The following FOXO3B variants were observed in gnomAD, a reference collection of about 807,000 sequenced individuals.
FOXO3B encodes forkhead box protein O3B.
FOXO3B carries 15 observed loss-of-function variants against 21.9 expected under a neutral mutation model. That is an observed-to-expected ratio of 0.68 (90% CI 0.46 to 1.05). The LOEUF (loss-of-function observed/expected upper bound fraction) is 1.05, where lower values mean the gene tolerates loss of function less well. Ranked by LOEUF, FOXO3B falls within the 50% of genes least tolerant of loss-of-function variation. The probability of loss-of-function intolerance (pLI) is 0.00; values close to 1 mark genes in which losing one functional copy is unlikely to be tolerated. For missense variants in FOXO3B, 293 were observed against 435.5 expected, an observed-to-expected ratio of 0.67 and a Z score of 2.91; for synonymous variants, 135 against 213.6, an observed-to-expected ratio of 0.63 and a Z score of 3.21.
intron 3 of FOXO3B, among the ~76,000 whole-genome samples, chr17:18,673,818 T>C (rs556231098): frequency 1.1e-4 from 17 of 151,550 alleles, no homozygotes; most frequent in African/African-American, 4.2e-4. Flanking sequence ...ATCACAAAGA[T>C]TATCACAGTA....
At chr17:18,675,282 A>C (rs1210809540) in intron 3 of FOXO3B, among the ~76,000 whole-genome samples, 2 of 152,166 alleles carry the variant, frequency 1.3e-5, no homozygotes, top group Non-Finnish European at 2.9e-5. Flanking sequence ...AAAGATTATA[A>C]AAAATTAAAC....
chr17:18,674,422 G>A lies in FOXO3B; in HGVS notation c.127-1367C>T, dbSNP rs370124160. 2.0e-3 allele frequency among the ~76,000 whole-genome samples: 290 copies of A among 146,628 alleles called. 5 individuals carry two copies. Among genetic ancestry groups the A allele is most frequent in the African/African-American group, 6.5e-3 (260 of 40,090 alleles). On this transcript the variant is annotated intron_variant, in intron 3 of 3. Transcript: ENST00000395675. ...GGGCGGATCACGAGGTCAGGAGATC[G>A]AGATCATCCTGGCTAACACGGTGAA...
intron 3 of FOXO3B, among the ~76,000 whole-genome samples, chr17:18,679,888 G>A (rs1459151501): frequency 1.6e-4 from 24 of 151,170 alleles, no homozygotes; most frequent in East Asian, 9.7e-4. Context: ...TGCCCAGGCC[G>A]GAATGCAGTG....
chr17:18,668,362 G>A lies in FOXO3B; in HGVS notation c.*3947C>T, dbSNP rs1198592944. On this transcript the variant is annotated 3_prime_UTR_variant, in exon 4 of 4. Coordinates refer to ENST00000395675, the MANE Select transcript of FOXO3B (RefSeq NM_001368135.1). The stretch of plus-strand genomic sequence containing the variant: ...CTCCTGATCTGTTTTATGCTGCCTT[G>A]CCCTTGTACCTTCTCTGTCCCTTCC... The A allele has an allele frequency of 6.6e-6, 1 of 152,570 alleles. No homozygotes were observed. Among genetic ancestry groups the A allele is most frequent in the African/African-American group, 2.4e-5 (1 of 41,456 alleles). 9.5% of individuals were successfully genotyped at this position (152,570 alleles called of 1,614,324 possible). A position where few individuals can be genotyped will look rare whatever the true frequency, so the allele number is the denominator to read the frequency against.
chr17:18,681,923 G>T (rs4924765), intron 1 of FOXO3B, 77 bp from the exon 2 acceptor site: 6 of 623,808 alleles, frequency 9.6e-6, no homozygotes, highest in African/African-American at 1.9e-5. Flanking sequence ...GTCCCTGGGG[G>T]AACCGGGCGC....
chr17:18,671,714 A>T lies in FOXO3B; in HGVS notation c.*595T>A, dbSNP rs2032368216. 2 of 1,613,584 alleles carry T rather than the reference A, an allele frequency of 1.2e-6. No homozygotes were observed. Among genetic ancestry groups the T allele is most frequent in the Non-Finnish European group, 1.7e-6 (2 of 1,179,990 alleles). On this transcript the variant is annotated 3_prime_UTR_variant, in exon 4 of 4. Coordinates refer to ENST00000395675, the MANE Select transcript of FOXO3B (RefSeq NM_001368135.1). ...TAGAACTCCGCTGCATGAGTCCCCC[A>T]GTGGGCGATGGCTGGGATGGCGGGA...
At position 18,671,872 on chromosome 17, in the gene FOXO3B, G is replaced by A; in HGVS notation, c.*437C>T. 9 of 1,612,810 alleles carry A rather than the reference G, an allele frequency of 5.6e-6. No homozygotes were observed. The highest frequency in any genetic ancestry group is 2.5e-6 in the Non-Finnish European group (3 of 1,179,284). On this transcript the variant is annotated 3_prime_UTR_variant, in exon 4 of 4. Transcript: ENST00000395675. ...CTTGCTTACTGAAGGTGACAGGCTCGCTGAGCTGCTGTAGAGCATGGGCGA... is the reference window on the plus strand; with the variant it reads ...CTTGCTTACTGAAGGTGACAGGCTCACTGAGCTGCTGTAGAGCATGGGCGA...
rs1260373314 is a variant in FOXO3B, at chr17:18,672,294, C to G, written c.*15G>C. On this transcript the variant is annotated 3_prime_UTR_variant, in exon 4 of 4. Coordinates refer to ENST00000395675, the MANE Select transcript of FOXO3B (RefSeq NM_001368135.1). The surrounding 1 kb of genome is among the most constrained non-coding windows in gnomAD (Gnocchi z 4.2). ...ATCGACTATGCAGTGACAGGTTGTG[C>G]CGGATGGAGTTCTTCTAGCCGGCAG... The G allele has an allele frequency of 1.2e-6, 2 of 1,611,956 alleles. No individual in the cohort carries two copies. The highest frequency in any genetic ancestry group is 1.7e-6 in the Non-Finnish European group (2 of 1,178,528).
rs1271439877 is a variant in FOXO3B, at chr17:18,672,677, C to A, written c.505G>T (p.Gly169Trp). The A allele has an allele frequency of 6.8e-7, 1 of 1,478,942 alleles. No homozygotes were observed. Among genetic ancestry groups the A allele is most frequent in the Non-Finnish European group, 8.9e-7 (1 of 1,120,968 alleles). The allele number at this position is 1,478,942 out of a possible 1,614,324, so 91.6% of individuals were successfully genotyped here. ...AGCCCGGAGACCAGCGTGCGGCTCC[C>A]GCCGCCGCCGCCGATCGCCATGGCC... ...GSAMAIGGGGGSRTLVSGLLL... is the reference protein window; with the variant it reads ...GSAMAIGGGGWSRTLVSGLLL... Residue 169 changes from glycine to tryptophan, a missense_variant, in exon 4 of 4, where the codon GGG becomes TGG. By Grantham distance (184) the Gly-to-Trp change is radical (BLOSUM62 -2). This residue lies in a region of FOXO3B where 251 missense variants were observed against 404.0 expected (regional missense o/e 0.62). Coordinates refer to ENST00000395675, the MANE Select transcript of FOXO3B (RefSeq NM_001368135.1). This position sits in a 1 kb window ranked among gnomAD's most constrained non-coding sequence, Gnocchi z 4.2.
chr17:18,673,176 C>T, intron 3 of FOXO3B, 121 bp from the exon 4 acceptor site: 5 of 1,266,268 alleles, frequency 3.9e-6, no homozygotes, highest in Non-Finnish European at 5.0e-6. Context: ...CTCCCAGGAA[C>T]AGGAGACCAT....
chr17:18,675,157 T>G (rs766790734), intron 3 of FOXO3B, among the ~76,000 whole-genome samples: 10 of 148,996 alleles, frequency 6.7e-5, no homozygotes, highest in Non-Finnish European at 1.3e-4. Flanking sequence ...TAATTCCAAA[T>G]GGATTAAGAA....
At position 18,671,650 on chromosome 17, in the gene FOXO3B, G is replaced by C; in HGVS notation, c.*659C>G. On this transcript the variant is annotated 3_prime_UTR_variant, in exon 4 of 4. Transcript: ENST00000395675. Reference sequence around the variant, plus strand: ...ACCGTGCTGTTAAAGGAGCTGGTTGGGGAGCTCAGGCCCGAGCCCTTGGTG... The same window carrying C: ...ACCGTGCTGTTAAAGGAGCTGGTTGCGGAGCTCAGGCCCGAGCCCTTGGTG... 1.2e-6 allele frequency: 2 copies of C among 1,613,940 alleles called. No individual in the cohort carries two copies. Among genetic ancestry groups the C allele is most frequent in the South Asian group, 2.2e-5 (2 of 91,078 alleles).
intron 3 of FOXO3B, among the ~76,000 whole-genome samples, chr17:18,674,845 T>C (rs1335258199): frequency 2.0e-5 from 3 of 152,290 alleles, no homozygotes; most frequent in East Asian, 1.9e-4. Flanking sequence ...GAAGATCGAA[T>C]GGCTGCAGAG....
At chr17:18,677,262 G>C (rs1179825277) in intron 3 of FOXO3B, 1 of 1,610,674 alleles carries the variant, frequency 6.2e-7, no homozygotes, top group East Asian at 2.2e-5. Flanking sequence ...ATGTATACAA[G>C]GTCTGTTCCG....
intron 3 of FOXO3B, 132 bp from the exon 4 acceptor site, chr17:18,673,187 A>G (rs1316564099): frequency 8.2e-7 from 1 of 1,224,836 alleles, no homozygotes; most frequent in Non-Finnish European, 1.0e-6. Context: ...AGGAGACCAT[A>G]CTTCTTAATA....
intron 2 of FOXO3B, among the ~76,000 whole-genome samples, chr17:18,681,060 A>G (rs1178962409): frequency 6.6e-6 from 1 of 151,938 alleles, no homozygotes; most frequent in Non-Finnish European, 1.5e-5. Context: ...GTAAGATGGC[A>G]TCCTCTGATC....
chr17:18,682,150 G>A, intron 1 of FOXO3B, 54 bp downstream of exon 1: 1 of 669,122 alleles, frequency 1.5e-6, no homozygotes, highest in Non-Finnish European at 2.7e-6. Context: ...AACGACCCGG[G>A]GAACTACCGC....
In FOXO3B at chr17:18,672,689, C is replaced by T. The variant is rs1233512467; in HGVS notation, c.493G>A (p.Gly165Ser). The part of the protein sequence containing the change: ...GGRAGSAMAI[G>S]GGGGSRTLVS... ...AGCGTGCGGCTCCCGCCGCCGCCGC[C>T]GATCGCCATGGCCGAGCCGGCCCGT... Residue 165 changes from glycine to serine, a missense_variant, in exon 4 of 4, where the codon GGC becomes AGC. By Grantham distance (56) the Gly-to-Ser change is moderately conservative. This residue lies in a region of FOXO3B where 251 missense variants were observed against 404.0 expected (regional missense o/e 0.62). Transcript: ENST00000395675. The surrounding 1 kb of genome is among the most constrained non-coding windows in gnomAD (Gnocchi z 4.2). 3 of 1,524,324 alleles carry T rather than the reference C, an allele frequency of 2.0e-6. No homozygotes were observed. The highest frequency in any genetic ancestry group is 4.9e-5 in the East Asian group (2 of 40,646). The allele number at this position is 1,524,324 out of a possible 1,614,324, so 94.4% of individuals were successfully genotyped here.
At chr17:18,680,033 G>C (rs1406296533) in intron 3 of FOXO3B, among the ~76,000 whole-genome samples, 3 of 151,940 alleles carry the variant, frequency 2.0e-5, no homozygotes, top group Non-Finnish European at 4.4e-5. Flanking sequence ...TAGAGACGAG[G>C]TTTCACCGTG....
Sources: gnomAD v4.1 joint callset for allele counts (sites outside exome capture counted in the v4.1 genomes callset) on GRCh38, gnomAD v4.1.1 for gene constraint, gnomAD v4.1.1 regional missense constraint, Gnocchi (gnomAD v3.1) non-coding constraint, MANE v1.5 for transcripts, NCBI Gene and HGNC (gene_info 2026-07-23, HGNC 2026-07-21) for gene names.